Variants in CACNG3 observed in about 807,000 individuals in gnomAD.
The protein encoded by CACNG3 is voltage-dependent calcium channel gamma-3 subunit.
In CACNG3, 3 loss-of-function variants were observed where a neutral mutation model predicts 28.5. The observed-to-expected ratio is 0.11, with a 90% CI of 0.05 to 0.27. The LOEUF is 0.27. CACNG3 is among the 10% of genes least tolerant of loss of function. CACNG3 has a pLI of 1.00. For missense variants in CACNG3, 236 were observed against 414.4 expected (o/e 0.57, Z 3.74); for synonymous variants, 174 against 162.2 (o/e 1.07, Z -0.55).
At chr16:24,299,963 C>A (rs115397312) in intron 1 of CACNG3, among the ~76,000 whole-genome samples, 1 of 150,748 alleles carries the variant, frequency 6.6e-6, no homozygotes, top group African/African-American at 2.5e-5. Context: ...CACACACATA[C>A]GATAGAATGA....
intron 1 of CACNG3, among the ~76,000 whole-genome samples, chr16:24,305,181 G>C (rs1308994381): frequency 6.6e-6 from 1 of 152,112 alleles, no homozygotes; most frequent in Non-Finnish European, 1.5e-5. Context: ...GGGGGATGTT[G>C]ATAATAGGAG....
At chr16:24,312,983 AAAAGAAAG>A (rs563788036) in intron 1 of CACNG3, among the ~76,000 whole-genome samples, 6 of 146,032 alleles carry the variant, frequency 4.1e-5, no homozygotes, top group African/African-American at 1.3e-4. Flanking sequence ...AGAAAGAAAT[AAAAGAAAG>A]AAAGAAAGAA....
chr16:24,336,557 G>A (rs896220186), intron 1 of CACNG3, among the ~76,000 whole-genome samples: 40 of 80,016 alleles, frequency 5.0e-4, no homozygotes, highest in Non-Finnish European at 7.5e-5. Flanking sequence ...TTACAGGCGT[G>A]AGCCACTGTG....
chr16:24,304,685 C>T (rs1296749191), intron 1 of CACNG3, among the ~76,000 whole-genome samples: 2 of 152,050 alleles, frequency 1.3e-5, no homozygotes, highest in Admixed American at 6.6e-5. Context: ...GTTAGCCTCT[C>T]GAGGACCTGG....
chr16:24,277,497 G>A (rs1898766923), intron 1 of CACNG3, among the ~76,000 whole-genome samples: 1 of 152,172 alleles, frequency 6.6e-6, no homozygotes, highest in Non-Finnish European at 1.5e-5. Flanking sequence ...AAAGGGAGCT[G>A]AGTGCGGTGG....
intron 2 of CACNG3, among the ~76,000 whole-genome samples, chr16:24,350,646 A>G (rs1464618777): frequency 6.6e-6 from 1 of 152,212 alleles, no homozygotes. Context: ...ATAGCTTCAA[A>G]CATTCAAATC....
At chr16:24,312,544 G>A (rs907235654) in intron 1 of CACNG3, among the ~76,000 whole-genome samples, 2 of 152,058 alleles carry the variant, frequency 1.3e-5, no homozygotes, top group Non-Finnish European at 2.9e-5. Flanking sequence ...GGCCAGGCAC[G>A]GTGGCTCACA....
intron 1 of CACNG3, among the ~76,000 whole-genome samples, chr16:24,261,685 C>A (rs1377285077): frequency 6.6e-6 from 1 of 152,078 alleles, no homozygotes; most frequent in Non-Finnish European, 1.5e-5. Flanking sequence ...AGAAAGCCCA[C>A]TTATTTAGGA....
chr16:24,292,906 A>G (rs562212442), intron 1 of CACNG3, among the ~76,000 whole-genome samples: 1 of 152,346 alleles, frequency 6.6e-6, no homozygotes, highest in East Asian at 1.9e-4. Context: ...ACCAGAGAGG[A>G]TGTGATGTGA....
chr16:24,317,606 GAAA>G (rs1567217431), intron 1 of CACNG3, among the ~76,000 whole-genome samples: 11 of 66,030 alleles, frequency 1.7e-4, no homozygotes, highest in African/African-American at 4.8e-4. Context: ...AAGAAAGAAA[GAAA>G]GAAAGAAAGA....
chr16:24,256,845 G>A lies in CACNG3; in HGVS notation c.91G>A (p.Asp31Asn). Residue 31 changes from aspartate to asparagine, a missense_variant, in exon 1 of 4, where the codon GAC becomes AAC. Physicochemically the swap from Asp to Asn is conservative, Grantham distance 23 (BLOSUM62 1). Coordinates refer to ENST00000005284, the MANE Select transcript of CACNG3 (RefSeq NM_006539.4). This position sits in a 1 kb window ranked among gnomAD's most constrained non-coding sequence, Gnocchi z 4.6. ...TTTAATGACCATTGCAGTGGGCACGGACTACTGGTTATATTCCAGAGGTGT... is the reference window on the plus strand; with the variant it reads ...TTTAATGACCATTGCAGTGGGCACGAACTACTGGTTATATTCCAGAGGTGT... ...FSLMTIAVGT[D>N]YWLYSRGVCR... 6.2e-7 allele frequency: 1 copy of A among 1,613,504 alleles called. No individual in the cohort carries two copies. Among genetic ancestry groups the A allele is most frequent in the Non-Finnish European group, 8.5e-7 (1 of 1,179,406 alleles).
intron 1 of CACNG3, among the ~76,000 whole-genome samples, chr16:24,259,590 G>A (rs1182782502): frequency 6.6e-6 from 1 of 152,160 alleles, no homozygotes; most frequent in Non-Finnish European, 1.5e-5. Context: ...AAAGAGCCAT[G>A]AGACAATGTG....
At position 24,362,093 on chromosome 16, in the gene CACNG3, T is replaced by C. The variant is rs1900110157; in HGVS notation, c.*230T>C. The C allele has an allele frequency of 2.2e-6, 1 of 460,720 alleles. No homozygotes were observed. Among genetic ancestry groups the C allele is most frequent in the Non-Finnish European group, 3.8e-6 (1 of 263,158 alleles). The allele number at this position is 460,720 out of a possible 1,614,324, so 28.5% of individuals were successfully genotyped here. ...TTAATGTCATTCCTCTCTCTGTGTA[T>C]CTGTGCCAGATGTTTTCCTTTCTTC... On this transcript the variant is annotated 3_prime_UTR_variant, in exon 4 of 4. Transcript: ENST00000005284.
At chr16:24,300,150 T>C (rs1220209122) in intron 1 of CACNG3, among the ~76,000 whole-genome samples, 1 of 152,208 alleles carries the variant, frequency 6.6e-6, no homozygotes, top group African/African-American at 2.4e-5. Flanking sequence ...TGTTTTTTAC[T>C]TTGTAGCATC....
chr16:24,349,606 G>A (rs1379953592), intron 2 of CACNG3, among the ~76,000 whole-genome samples: 3 of 152,180 alleles, frequency 2.0e-5, no homozygotes, highest in Admixed American at 6.5e-5. Flanking sequence ...GTGTCACGGC[G>A]CTGGCGAGAG....
intron 1 of CACNG3, among the ~76,000 whole-genome samples, chr16:24,297,769 C>G (rs1596632556): frequency 6.6e-6 from 1 of 152,250 alleles, no homozygotes; most frequent in East Asian, 1.9e-4. Context: ...TGCGGTGTTC[C>G]AGAATCTCTC....
intron 2 of CACNG3, among the ~76,000 whole-genome samples, chr16:24,351,908 C>T (rs1899953293): frequency 6.7e-6 from 1 of 148,448 alleles, no homozygotes; most frequent in Non-Finnish European, 1.5e-5. Flanking sequence ...TGCCTCCTCC[C>T]GGGTTCACGC....
intron 1 of CACNG3, among the ~76,000 whole-genome samples, chr16:24,315,785 A>G (rs993137404): frequency 2.0e-5 from 3 of 151,906 alleles, no homozygotes; most frequent in African/African-American, 7.3e-5. Flanking sequence ...CAGTCTCCCA[A>G]GTAGCTGGGA....
chr16:24,353,851 A>C (rs1458426401), intron 2 of CACNG3, among the ~76,000 whole-genome samples: 1 of 152,206 alleles, frequency 6.6e-6, no homozygotes, highest in African/African-American at 2.4e-5. Context: ...GAGTCCCTGT[A>C]TACAGGGCTG....
Sources: gnomAD v4.1 joint callset for allele counts (sites outside exome capture counted in the v4.1 genomes callset) on GRCh38, gnomAD v4.1.1 for gene constraint, Gnocchi (gnomAD v3.1) non-coding constraint, MANE v1.5 for transcripts, NCBI Gene and HGNC (gene_info 2026-07-23, HGNC 2026-07-21) for gene names.